BACH1: variants seen among roughly 807,000 people sequenced by gnomAD.
BACH1 encodes the protein transcription regulator protein BACH1.
BACH1 carries 35 observed loss-of-function variants against 52.9 expected under a neutral mutation model. The observed-to-expected ratio is 0.66, with a 90% CI of 0.51 to 0.88. The LOEUF is 0.88. BACH1 is among the 40% of genes least tolerant of loss of function. The pLI, the probability that BACH1 is intolerant of heterozygous loss-of-function variation, is 0.00. For synonymous variants in BACH1, 321 were observed against 319.6 expected, an observed-to-expected ratio of 1.00 and a Z score of -0.05; for missense variants, 808 against 872.6, an observed-to-expected ratio of 0.93 and a Z score of 0.93.
At chr21:29,322,260 G>A (rs1295727213) in intron 2 of BACH1, among the ~76,000 whole-genome samples, 1 of 152,178 alleles carries the variant, frequency 6.6e-6, no homozygotes, top group African/African-American at 2.4e-5. Flanking sequence ...TTAGGGTTCT[G>A]TAAAACGTCC....
At chr21:29,324,249 A>C (rs1435019664) in intron 2 of BACH1, among the ~76,000 whole-genome samples, 1 of 151,282 alleles carries the variant, frequency 6.6e-6, no homozygotes, top group Non-Finnish European at 1.5e-5. Flanking sequence ...AAAAAAAAAA[A>C]AAAGGAACTG....
chr21:29,360,420 T>C (rs1303777108), intron 2 of BACH1, among the ~76,000 whole-genome samples: 1 of 152,188 alleles, frequency 6.6e-6, no homozygotes, highest in Non-Finnish European at 1.5e-5. Flanking sequence ...CTCAGAGGCC[T>C]TCCACAATGA....
chr21:29,299,188 G>C (rs1172184198), intron 1 of BACH1, among the ~76,000 whole-genome samples: 2 of 151,644 alleles, frequency 1.3e-5, no homozygotes, highest in Non-Finnish European at 2.9e-5. Flanking sequence ...GTCGGCGGCC[G>C]AACCCCCTGC....
At chr21:29,319,549 A>C (rs1426709088) in intron 1 of BACH1, among the ~76,000 whole-genome samples, 1 of 151,876 alleles carries the variant, frequency 6.6e-6, no homozygotes, top group Non-Finnish European at 1.5e-5. Context: ...ACTGGTGAAC[A>C]GTACCAAGAG....
In BACH1 at chr21:29,326,260, T is replaced by C. The variant is rs1157044682; in HGVS notation, c.436T>C (p.Phe146Leu). ...GCAAGAATGCCCAAGAAAAAAATGC[T>C]TTTCATCACACTGTCAGAAAACAGA... The part of the protein sequence containing the change: ...DQQECPRKKC[F>L]SSHCQKTDLK... Residue 146 changes from phenylalanine (F) to leucine (L), a missense_variant, in exon 3 of 5, where the codon TTT becomes CTT. Transcript: ENST00000286800. 1 of 1,614,088 alleles carries C rather than the reference T, an allele frequency of 6.2e-7. No individual in the cohort carries two copies. The highest frequency in any genetic ancestry group is 8.5e-7 in the Non-Finnish European group (1 of 1,180,006).
At chr21:29,308,439 C>T (rs1260875629) in intron 1 of BACH1, among the ~76,000 whole-genome samples, 2 of 152,244 alleles carry the variant, frequency 1.3e-5, no homozygotes, top group East Asian at 1.9e-4. Flanking sequence ...GATTGCCCTA[C>T]GGTAACTTCT....
chr21:29,310,603 C>T (rs925062147), intron 1 of BACH1, among the ~76,000 whole-genome samples: 1 of 152,160 alleles, frequency 6.6e-6, no homozygotes, highest in Non-Finnish European at 1.5e-5. Flanking sequence ...CATTGTGGGT[C>T]CAGATGTGTT....
downstream of BACH1, among the ~76,000 whole-genome samples, chr21:29,346,416 T>C (rs962889764): frequency 3.9e-5 from 6 of 152,222 alleles, no homozygotes; most frequent in African/African-American, 1.4e-4. Flanking sequence ...CATTAAGTTT[T>C]AAAAACTTAT....
rs1357715595 is a variant in BACH1, at chr21:29,317,099, A to T, written c.-60-4122A>T. The stretch of plus-strand genomic sequence containing the variant: ...GCATTAGATTCTCACAGGAGTGTGA[A>T]CCCTATGGTAAACTGTGCATGCAAG... On this transcript the variant is annotated intron_variant, in intron 1 of 4. Transcript: ENST00000286800. 2.6e-5 allele frequency among the ~76,000 whole-genome samples: 4 copies of T among 152,194 alleles called. No homozygotes were observed. The East Asian group carries it at 7.7e-4, about 29-fold the overall frequency.
At chr21:29,360,585 C>T (rs1353413281) in intron 2 of BACH1, among the ~76,000 whole-genome samples, 2 of 152,204 alleles carry the variant, frequency 1.3e-5, no homozygotes, top group South Asian at 2.1e-4. Context: ...TGGCTCACGC[C>T]TGTAATCCCA....
At chr21:29,358,814 GA>G (rs1555888598) in intron 2 of BACH1, among the ~76,000 whole-genome samples, 1 of 108,202 alleles carries the variant, frequency 9.2e-6, no homozygotes, top group South Asian at 3.4e-4. Flanking sequence ...AAGAAAGAAA[GA>G]AGAAAGAAAG....
chr21:29,325,863 C>T (rs2088904389), intron 2 of BACH1, among the ~76,000 whole-genome samples, 196 bp from the exon 3 acceptor site: 1 of 152,088 alleles, frequency 6.6e-6, no homozygotes, highest in Non-Finnish European at 1.5e-5. Flanking sequence ...TGTGTGGTCC[C>T]TGTGAAAAGC....
rs1181320568 is a variant in BACH1, at chr21:29,345,417, T to C, written c.*2584T>C. ...TATTGCATATTCACATGATCATTGT[T>C]CACTATTTTATGAACTGGCCTTCTC... On this transcript the variant is annotated 3_prime_UTR_variant, in exon 5 of 5. Coordinates refer to ENST00000286800, the MANE Select transcript of BACH1 (RefSeq NM_001186.4). 2.6e-5 allele frequency: 4 copies of C among 152,230 alleles called. No homozygotes were observed. The highest frequency in any genetic ancestry group is 5.9e-5 in the Non-Finnish European group (4 of 68,018). The allele number at this position is 152,230 out of a possible 1,614,324, so 9.4% of individuals were successfully genotyped here.
Position 29,326,150 on chromosome 21 carries a change from G to A in BACH1, c.326G>A (p.Cys109Tyr). 6.2e-7 allele frequency: 1 copy of A among 1,614,180 alleles called. No individual in the cohort carries two copies. ...SKENVDEVCK[C>Y]VEFLSVHNIE... ...GAGAATGTGGATGAAGTGTGCAAAT[G>A]TGTGGAGTTTTTAAGTGTACATAAT... Residue 109 changes from cysteine to tyrosine, a missense_variant, in exon 3 of 5, where the codon TGT (cysteine) becomes TAT (tyrosine). Physicochemically the swap from Cys to Tyr is radical, Grantham distance 194. Transcript: ENST00000286800.
intron 4 of BACH1, among the ~76,000 whole-genome samples, chr21:29,333,235 C>T (rs906296110): frequency 8.5e-5 from 13 of 152,178 alleles, no homozygotes; most frequent in Non-Finnish European, 1.6e-4. Flanking sequence ...AAGAAGTTTA[C>T]TTGGACCCTG....
intron 1 of BACH1, among the ~76,000 whole-genome samples, chr21:29,309,891 G>A (rs1310371442): frequency 6.6e-6 from 1 of 152,146 alleles, no homozygotes; most frequent in Non-Finnish European, 1.5e-5. Context: ...GAGACAGATA[G>A]GGTGGGAGCT....
downstream of BACH1, among the ~76,000 whole-genome samples, chr21:29,347,472 G>A (rs1601373292): frequency 6.6e-6 from 1 of 152,186 alleles, no homozygotes; most frequent in African/African-American, 2.4e-5. Context: ...AAGGCCAGAG[G>A]GTGTTTCTTG....
At chr21:29,348,031 C>A (rs1003275776), downstream of BACH1, among the ~76,000 whole-genome samples, 1 of 152,042 alleles carries the variant, frequency 6.6e-6, no homozygotes, top group South Asian at 2.1e-4. Context: ...AATCTAAAGG[C>A]ATTAAAGTCT....
At chr21:29,348,953 G>C (rs1374038892), downstream of BACH1, among the ~76,000 whole-genome samples, 4 of 152,150 alleles carry the variant, frequency 2.6e-5, no homozygotes, top group Middle Eastern at 3.4e-3. Context: ...AATTAGCCGG[G>C]CGTGGTGGCA....
Sources: gnomAD v4.1 joint callset for allele counts (sites outside exome capture counted in the v4.1 genomes callset) on GRCh38, gnomAD v4.1.1 for gene constraint, MANE v1.5 for transcripts, NCBI Gene and HGNC (gene_info 2026-07-23, HGNC 2026-07-21) for gene names.